LHFPL3: variants seen among roughly 807,000 people sequenced by gnomAD.
LHFPL3 encodes the protein LHFPL tetraspan subfamily member 3, also known as LHFPL tetraspan subfamily member 3 protein.
In LHFPL3, 5 loss-of-function variants were observed where a neutral mutation model predicts 19.3. The ratio of observed to expected loss-of-function variants is 0.26; its 90% CI spans 0.14 to 0.54. LHFPL3 has a LOEUF of 0.54. Ranked by LOEUF, LHFPL3 falls within the 20% of genes least tolerant of loss-of-function variation. The pLI is 0.94. For synonymous variants in LHFPL3, 133 were observed against 126.2 expected (o/e 1.05, Z -0.36); for missense variants, 249 against 307.4 (o/e 0.81, Z 1.42).
chr7:104,667,739 C>T, intron 1 of LHFPL3: 2 of 1,562,206 alleles, frequency 1.3e-6, no homozygotes, highest in Admixed American at 1.7e-5. Flanking sequence ...AAAGCTTTCC[C>T]TCTGCCAACA....
intron 1 of LHFPL3, among the ~76,000 whole-genome samples, chr7:104,375,995 T>G (rs777857171): frequency 6.6e-6 from 1 of 152,220 alleles, no homozygotes; most frequent in Non-Finnish European, 1.5e-5. Context: ...CTAAATCTGA[T>G]CTATAGGGCT....
Position 104,736,627 on chromosome 7 carries a change from T to C in LHFPL3, c.446-48T>C, listed in dbSNP as rs201236592. The C allele has an allele frequency of 1.8e-3, 2,298 of 1,253,340 alleles. 8 individuals carry two copies. Among genetic ancestry groups the C allele is most frequent in the Non-Finnish European group, 2.2e-3 (1,954 of 878,972 alleles). 77.6% of individuals were successfully genotyped at this position (1,253,340 alleles called of 1,614,324 possible). A position where few individuals can be genotyped will look rare whatever the true frequency, so the allele number is the denominator to read the frequency against. ...GAAACATTTGCTAAGTTAAAATTTA[T>C]TGACTTATCTTTTTTGTTTCTTTTG... On this transcript the variant is annotated intron_variant, in intron 1 of 2. Transcript: ENST00000424859.
intron 2 of LHFPL3, among the ~76,000 whole-genome samples, chr7:104,780,240 G>A (rs1014696835): frequency 1.3e-5 from 2 of 151,794 alleles, no homozygotes; most frequent in African/African-American, 4.9e-5. Context: ...GAACGAAGAA[G>A]CCTTGAAAGA....
chr7:104,633,117 G>A (rs575254425), intron 1 of LHFPL3, among the ~76,000 whole-genome samples: 1 of 152,142 alleles, frequency 6.6e-6, no homozygotes, highest in Non-Finnish European at 1.5e-5. Flanking sequence ...ACAACTTCTA[G>A]TTCTATAAGA....
At chr7:104,564,065 C>G (rs995343994) in intron 1 of LHFPL3, among the ~76,000 whole-genome samples, 1 of 152,174 alleles carries the variant, frequency 6.6e-6, no homozygotes, top group African/African-American at 2.4e-5. Context: ...ATTTGATCCT[C>G]TCAACAATCC....
At chr7:104,556,445 A>G (rs1050369613) in intron 1 of LHFPL3, among the ~76,000 whole-genome samples, 1 of 151,856 alleles carries the variant, frequency 6.6e-6, no homozygotes, top group Admixed American at 6.6e-5. Context: ...TGGAGGTTCC[A>G]CCCTTTGAAG....
At chr7:104,344,565 T>G (rs1483405326) in intron 1 of LHFPL3, among the ~76,000 whole-genome samples, 2 of 152,222 alleles carry the variant, frequency 1.3e-5, no homozygotes, top group Non-Finnish European at 2.9e-5. Flanking sequence ...GCCTCTAGCT[T>G]CATCCAAGTT....
chr7:104,855,933 C>T (rs1791497569), intron 2 of LHFPL3, among the ~76,000 whole-genome samples: 1 of 152,146 alleles, frequency 6.6e-6, no homozygotes, highest in South Asian at 2.1e-4. Flanking sequence ...ATCCTTTAAG[C>T]GTGTCCATGC....
intron 1 of LHFPL3, among the ~76,000 whole-genome samples, chr7:104,718,582 C>T (rs1024265543): frequency 6.6e-6 from 1 of 152,140 alleles, no homozygotes; most frequent in African/African-American, 2.4e-5. Context: ...GTGAGAATGC[C>T]TCCCTCTCTC....
At chr7:104,378,982 C>G (rs1346787306) in intron 1 of LHFPL3, among the ~76,000 whole-genome samples, 1 of 151,916 alleles carries the variant, frequency 6.6e-6, no homozygotes, top group Non-Finnish European at 1.5e-5. Context: ...TCTTTTATTC[C>G]TTGGATTTAA....
At chr7:104,873,204 G>A (rs887194193) in intron 2 of LHFPL3, among the ~76,000 whole-genome samples, 1 of 152,152 alleles carries the variant, frequency 6.6e-6, no homozygotes, top group African/African-American at 2.4e-5. Context: ...TGAAGCACTG[G>A]GCTGCTTAAA....
At position 104,415,098 on chromosome 7, in the gene LHFPL3, G is replaced by A. The variant is rs1474920930; in HGVS notation, c.445+85874G>A. Among the ~76,000 whole-genome samples the A allele has an allele frequency of 2.6e-5, 4 of 152,184 alleles. No homozygotes were observed. The East Asian group carries it at 7.7e-4, about 29-fold the overall frequency. On this transcript the variant is annotated intron_variant, in intron 1 of 2. Coordinates refer to ENST00000424859, the MANE Select transcript of LHFPL3 (RefSeq NM_199000.3). ...GATAACTTTTTAATTATCAACTTAGGTTGGTCTGAGCAGAACCAAGAAATT... is the reference window on the plus strand; with the variant it reads ...GATAACTTTTTAATTATCAACTTAGATTGGTCTGAGCAGAACCAAGAAATT...
intron 1 of LHFPL3, among the ~76,000 whole-genome samples, chr7:104,444,263 G>C (rs1458900319): frequency 6.6e-6 from 1 of 152,162 alleles, no homozygotes; most frequent in African/African-American, 2.4e-5. Context: ...CTCTGGCCAG[G>C]TGCACATCTC....
chr7:104,507,971 G>A (rs1793733385), intron 1 of LHFPL3, among the ~76,000 whole-genome samples: 1 of 133,292 alleles, frequency 7.5e-6, no homozygotes, highest in Admixed American at 7.7e-5. Context: ...AGGTGCTGGA[G>A]AGGATGTGGA....
At chr7:104,532,706 C>G (rs1794325246) in intron 1 of LHFPL3, among the ~76,000 whole-genome samples, 1 of 152,096 alleles carries the variant, frequency 6.6e-6, no homozygotes, top group African/African-American at 2.4e-5. Flanking sequence ...ATCTCTATTT[C>G]TTTCTCTGAA....
At chr7:104,589,929 G>T (rs1035057542) in intron 1 of LHFPL3, among the ~76,000 whole-genome samples, 5 of 152,154 alleles carry the variant, frequency 3.3e-5, no homozygotes, top group African/African-American at 1.2e-4. Context: ...TCTGATGGTA[G>T]TTTGTATTTC....
rs56814480 is a variant in LHFPL3 at position 104,503,107 on chromosome 7, T to TAA, written c.445+173893_445+173894dup. Among the ~76,000 whole-genome samples, 62 of 147,902 alleles carry TAA rather than the reference T, an allele frequency of 4.2e-4. 1 individual carries two copies. In the East Asian group the frequency reaches 6.8e-3, roughly 16 times the overall value. ...TACAACTGCTCACCACATGTTTTGT[T>TAA]AAAAAAAAAAACTAGTAACAACCAA... is the stretch of plus-strand genomic sequence containing the variant. On this transcript the variant is annotated intron_variant, in intron 1 of 2. Transcript: ENST00000424859.
chr7:104,740,247 G>C (rs1387863524), intron 2 of LHFPL3, among the ~76,000 whole-genome samples: 1 of 152,140 alleles, frequency 6.6e-6, no homozygotes, highest in African/African-American at 2.4e-5. Context: ...ACAGTCTCAA[G>C]AAGTTCTTCA....
chr7:104,616,148 A>G (rs547279659), intron 1 of LHFPL3, among the ~76,000 whole-genome samples: 1 of 152,300 alleles, frequency 6.6e-6, no homozygotes, highest in African/African-American at 2.4e-5. Context: ...TTTAAATTTT[A>G]TATGTAATCA....
Sources: gnomAD v4.1 joint callset for allele counts (sites outside exome capture counted in the v4.1 genomes callset) on GRCh38, gnomAD v4.1.1 for gene constraint, MANE v1.5 for transcripts, NCBI Gene and HGNC (gene_info 2026-07-23, HGNC 2026-07-21) for gene names.